PGAM2: variants seen among roughly 807,000 people sequenced by gnomAD.
PGAM2 encodes phosphoglycerate mutase 2, also known as BPG-dependent PGAM 2.
Under a neutral mutation model 22.5 loss-of-function variants are expected in PGAM2, and 23 were observed. The ratio of observed to expected loss-of-function variants is 1.02; its 90% CI spans 0.74 to 1.45. The LOEUF (loss-of-function observed/expected upper bound fraction) is 1.45, where lower values mean the gene tolerates loss of function less well. Among genes scored for constraint, PGAM2 ranks in the 40% most tolerant of loss-of-function variants. The pLI is 0.00. For synonymous variants in PGAM2, 133 were observed against 138.6 expected, an observed-to-expected ratio of 0.96 and a Z score of 0.29; for missense variants, 349 against 356.2, an observed-to-expected ratio of 0.98 and a Z score of 0.16.
At position 44,064,820 on chromosome 7, in the gene PGAM2, A is replaced by G; in HGVS notation, c.595+12T>C. 6.3e-7 allele frequency: 1 copy of G among 1,586,720 alleles called. No homozygotes were observed. The highest frequency in any genetic ancestry group is 8.6e-7 in the Non-Finnish European group (1 of 1,166,072). On this transcript the variant is annotated intron_variant, in intron 2 of 2. Coordinates refer to ENST00000297283, the MANE Select transcript of PGAM2 (RefSeq NM_000290.4). ...CCACCCACCCTGCCCAGGCTCCTGA[A>G]GGTGGCCTCACCTTCCAGGTGCTTG...
chr7:44,064,996 C>G lies in PGAM2; in HGVS notation c.431G>C (p.Gly144Ala). The G allele has an allele frequency of 6.2e-7, 1 of 1,606,482 alleles. No homozygotes were observed. Among genetic ancestry groups the G allele is most frequent in the Non-Finnish European group, 8.5e-7 (1 of 1,179,634 alleles). The change falls in exon 2 of 3, where the codon GGC (glycine) becomes GCC (alanine). Residue 144 changes from glycine (G) to alanine (A), a missense_variant. Coordinates refer to ENST00000297283, the MANE Select transcript of PGAM2 (RefSeq NM_000290.4). ...GGTGGGGAGTTCCCCGGGCTTCAGG[C>G]CTGCGTACCGACGCTCCTGGGGGAC... The part of the protein sequence containing the change: ...NSISKERRYA[G>A]LKPGELPTCE...
At chr7:44,065,071 C>T (rs762918819) in intron 1 of PGAM2, 45 bp downstream of exon 1, 1 of 1,611,758 alleles carries the variant, frequency 6.2e-7, no homozygotes, top group South Asian at 1.1e-5. Context: ...ACCCGACTCC[C>T]CACTCTGCAG....
chr7:44,064,796 C>CCCCCCCCCG, intron 2 of PGAM2, 36 bp downstream of exon 2: 2 of 1,158,932 alleles, frequency 1.7e-6, no homozygotes, highest in Non-Finnish European at 2.5e-6. Flanking sequence ...GGCTGCTGCC[C>CCCCCCCCCG]ACCCACCCTG....
In PGAM2 at chr7:44,065,270, A is replaced by G; in HGVS notation, c.260T>C (p.Leu87Pro). 1 of 1,613,726 alleles carries G rather than the reference A, an allele frequency of 6.2e-7. No individual in the cohort carries two copies. Among genetic ancestry groups the G allele is most frequent in the Non-Finnish European group, 8.5e-7 (1 of 1,180,036 alleles). Residue 87 changes from leucine to proline, a missense_variant, in exon 1 of 3, where the codon CTC becomes CCC. Physicochemically the swap from Leu to Pro is moderately conservative, Grantham distance 98 (BLOSUM62 -3). Coordinates refer to ENST00000297283, the MANE Select transcript of PGAM2 (RefSeq NM_000290.4). Reference sequence around the variant, plus strand: ...GAGGCCCCCGTAATGCCGCTCATTGAGGCGCCAAGTGCGCACCACAGGCAG... The same window carrying G: ...GAGGCCCCCGTAATGCCGCTCATTGGGGCGCCAAGTGCGCACCACAGGCAG... ...MWLPVVRTWR[L>P]NERHYGGLTG... is the part of the protein sequence containing the mutation.
In PGAM2 at chr7:44,064,872, G is replaced by A; in HGVS notation, c.555C>T (p.Ala185=). Residue 185 remains alanine (A), a synonymous_variant, in exon 2 of 3, where the codon GCC becomes GCT. Coordinates refer to ENST00000297283, the MANE Select transcript of PGAM2 (RefSeq NM_000290.4). The part of the protein sequence containing the change: ...IKAGKRVLIA[A]HGNSLRGIVK... ...CAATGCCCCGCAGGCTGTTCCCGTG[G>A]GCTGCAATGAGCACTCGCTTGCCGG... 6.2e-7 allele frequency: 1 copy of A among 1,611,318 alleles called. No homozygotes were observed.
chr7:44,064,813 CT>C lies in PGAM2; in HGVS notation c.595+18del. 7.7e-7 allele frequency: 1 copy of C among 1,307,090 alleles called. No individual in the cohort carries two copies. The highest frequency in any genetic ancestry group is 1.1e-6 in the Non-Finnish European group (1 of 932,880). The allele number at this position is 1,307,090 out of a possible 1,614,324, so 81.0% of individuals were successfully genotyped here. A position where few individuals can be genotyped will look rare whatever the true frequency, so the allele number is the denominator to read the frequency against. ...CTGCTGCCCACCCACCCTGCCCAGG[CT>C]CCTGAAGGTGGCCTCACCTTCCAGG... On this transcript the variant is annotated intron_variant, in intron 2 of 2. Transcript: ENST00000297283.
At position 44,062,826 on chromosome 7, in the gene PGAM2, C is replaced by T; in HGVS notation, c.700G>A (p.Gly234Ser). 6.2e-7 allele frequency: 1 copy of T among 1,614,216 alleles called. No homozygotes were observed. The highest frequency in any genetic ancestry group is 8.5e-7 in the Non-Finnish European group (1 of 1,180,038). Reference protein sequence around the residue: ...LKPTKPMQFLGDEETVRKAME... With the variant: ...LKPTKPMQFLSDEETVRKAME... ...GCCTTCCGCACCGTTTCCTCATCACCCAGGAACTGCATGGGCTTGGTGGGC... is the reference window on the plus strand; with the variant it reads ...GCCTTCCGCACCGTTTCCTCATCACTCAGGAACTGCATGGGCTTGGTGGGC... Residue 234 changes from glycine to serine, a missense_variant, in exon 3 of 3, where the codon GGT (glycine) becomes AGT (serine). Gly to Ser is a moderately conservative substitution (Grantham distance 56). Transcript: ENST00000297283.
intron 2 of PGAM2, 35 bp downstream of exon 2, chr7:44,064,797 A>AGCCCCCCCACCAGAAAGTGGG: frequency 1.6e-6 from 1 of 633,308 alleles, no homozygotes; most frequent in Non-Finnish European, 2.8e-6. Flanking sequence ...GCTGCTGCCC[A>AGCCCCCCCACCAGAAAGTGGG]CCCACCCTGC....
intron 2 of PGAM2, 141 bp from the exon 3 acceptor site, chr7:44,063,071 A>G: frequency 1.1e-6 from 1 of 893,862 alleles, no homozygotes; most frequent in Non-Finnish European, 1.8e-6. Flanking sequence ...GGCCACAGAA[A>G]TGTTGCCAAA....
Position 44,062,947 on chromosome 7 carries a change from A to G in PGAM2, c.596-17T>C. Reference sequence around the variant, plus strand: ...CTGACATCCCTATGCCGGAAGGAATAGGTGTCCTTAGCCCCTCTGTCCCCA... The same window carrying G: ...CTGACATCCCTATGCCGGAAGGAATGGGTGTCCTTAGCCCCTCTGTCCCCA... On this transcript the variant is annotated splice_polypyrimidine_tract_variant and intron_variant, in intron 2 of 2. Transcript: ENST00000297283. 1 of 1,613,970 alleles carries G rather than the reference A, an allele frequency of 6.2e-7. No individual in the cohort carries two copies. The highest frequency in any genetic ancestry group is 8.5e-7 in the Non-Finnish European group (1 of 1,179,842).
At chr7:44,064,771 T>G in intron 2 of PGAM2, 61 bp downstream of exon 2, 1 of 1,439,558 alleles carries the variant, frequency 6.9e-7, no homozygotes, top group Non-Finnish European at 9.5e-7. Flanking sequence ...TTTGCTGAGA[T>G]GAGAAGCCAG....
rs146457753 is a variant in PGAM2, at chr7:44,065,309, G to A, written c.221C>T (p.Thr74Met). ...CACCACAGGCAGCCACATCTGGTCC[G>A]TGCCGTCCAGGATGGCCCAGAGGGT... ...IRTLWAILDG[T>M]DQMWLPVVRT... Residue 74 changes from threonine to methionine, a missense_variant, in exon 1 of 3, where the codon ACG becomes ATG. Transcript: ENST00000297283. The A allele has an allele frequency of 7.3e-5, 118 of 1,613,584 alleles. 1 individual carries two copies. The South Asian group carries it at 1.0e-3, about 14-fold the overall frequency.
intron 2 of PGAM2, chr7:44,064,287 C>T (rs2096154850): frequency 5.4e-6 from 1 of 184,406 alleles, no homozygotes; most frequent in African/African-American, 2.4e-5. Flanking sequence ...TCCTGCACCC[C>T]TCTTTTGATT....
At chr7:44,064,407 A>G in intron 2 of PGAM2, 1 of 283,168 alleles carries the variant, frequency 3.5e-6, no homozygotes, top group Non-Finnish European at 6.9e-6. Context: ...CCAAGCCTAC[A>G]TCAAGAGGAA....
chr7:44,065,425 G>A lies in PGAM2; in HGVS notation c.105C>T (p.Thr35=), dbSNP rs147733064. ...WFDAELSEKG[T]EEAKRGAKAI... is the part of the protein sequence containing the mutation. ...CCTTGGCTCCCCGCTTGGCCTCCTC[G>A]GTCCCCTTTTCACTCAGCTCTGCAT... is the stretch of plus-strand genomic sequence containing the variant. Residue 35 remains threonine, a synonymous_variant, in exon 1 of 3, where the codon ACC becomes ACT. Transcript: ENST00000297283. 19 of 1,613,934 alleles carry A rather than the reference G, an allele frequency of 1.2e-5. No homozygotes were observed. The highest frequency in any genetic ancestry group is 6.7e-5 in the African/African-American group (5 of 74,896).
intron 2 of PGAM2, chr7:44,064,572 C>T (rs2096155371): frequency 5.6e-6 from 3 of 533,976 alleles, no homozygotes; most frequent in Non-Finnish European, 1.0e-5. Context: ...TTGGCAGATG[C>T]CACCTTTGGA....
rs774883572 is a variant in PGAM2, at chr7:44,064,829, C to T, written c.595+3G>A. The T allele has an allele frequency of 2.5e-6, 4 of 1,585,352 alleles. No homozygotes were observed. Among genetic ancestry groups the T allele is most frequent in the African/African-American group, 1.3e-5 (1 of 74,324 alleles). Reference sequence around the variant, plus strand: ...CTGCCCAGGCTCCTGAAGGTGGCCTCACCTTCCAGGTGCTTGACAATGCCC... The same window carrying T: ...CTGCCCAGGCTCCTGAAGGTGGCCTTACCTTCCAGGTGCTTGACAATGCCC... On this transcript the variant is annotated splice_donor_region_variant and intron_variant, in intron 2 of 2. Coordinates refer to ENST00000297283, the MANE Select transcript of PGAM2 (RefSeq NM_000290.4).
intron 2 of PGAM2, 133 bp downstream of exon 2, chr7:44,064,699 T>G (rs2096155682): frequency 2.7e-5 from 22 of 818,872 alleles, no homozygotes; most frequent in South Asian, 2.6e-4. Flanking sequence ...TTCTCAGCCC[T>G]CCTTTTTCAG....
In PGAM2 at chr7:44,064,868, C is replaced by A; in HGVS notation, c.559G>T (p.Gly187Trp). The change falls in exon 2 of 3, where the codon GGG becomes TGG. Residue 187 changes from glycine to tryptophan, a missense_variant. Coordinates refer to ENST00000297283, the MANE Select transcript of PGAM2 (RefSeq NM_000290.4). Reference protein sequence around the residue: ...AGKRVLIAAHGNSLRGIVKHL... With the variant: ...AGKRVLIAAHWNSLRGIVKHL... ...TTGACAATGCCCCGCAGGCTGTTCC[C>A]GTGGGCTGCAATGAGCACTCGCTTG... 1 of 1,610,968 alleles carries A rather than the reference C, an allele frequency of 6.2e-7. No individual in the cohort carries two copies. Among genetic ancestry groups the A allele is most frequent in the Non-Finnish European group, 8.5e-7 (1 of 1,179,484 alleles).
Sources: allele counts gnomAD v4.1 joint callset, GRCh38; gene constraint gnomAD v4.1.1; transcripts MANE v1.5; gene names NCBI Gene and HGNC (gene_info 2026-07-23, HGNC 2026-07-21).